The following CLVS1 variants were observed in gnomAD, a reference collection of about 807,000 sequenced individuals.
The protein encoded by CLVS1 is clavesin-1.
CLVS1 carries 10 observed loss-of-function variants against 33.1 expected under a neutral mutation model. The observed-to-expected ratio is 0.30, with a 90% CI of 0.19 to 0.51. The LOEUF (loss-of-function observed/expected upper bound fraction) is 0.51, where lower values mean the gene tolerates loss of function less well. Ranked by LOEUF, CLVS1 falls within the 20% of genes least tolerant of loss-of-function variation. CLVS1 has a pLI of 0.97. For missense variants in CLVS1, 343 were observed against 433.4 expected (o/e 0.79, Z 1.85); for synonymous variants, 163 against 166.1 (o/e 0.98, Z 0.14).
chr8:61,167,340 G>A (rs113397677), intron 2 of CLVS1, among the ~76,000 whole-genome samples: 31 of 151,814 alleles, frequency 2.0e-4, no homozygotes, highest in African/African-American at 6.0e-4. Flanking sequence ...CACCAGGCTC[G>A]GATAATTTTT....
intron 2 of CLVS1, among the ~76,000 whole-genome samples, chr8:61,259,199 C>G (rs1396920682): frequency 1.3e-5 from 2 of 152,208 alleles, no homozygotes; most frequent in East Asian, 3.8e-4. Flanking sequence ...ATAGCTAGTG[C>G]TTAGATACTT....
intron 2 of CLVS1, among the ~76,000 whole-genome samples, chr8:61,275,884 T>C (rs1005777377): frequency 2.0e-5 from 3 of 152,204 alleles, no homozygotes; most frequent in African/African-American, 7.2e-5. Flanking sequence ...ATGTTGCTCG[T>C]GCAATATTTC....
At chr8:61,056,842 TCA>T (rs1804480023), upstream of CLVS1, among the ~76,000 whole-genome samples, 2 of 152,202 alleles carry the variant, frequency 1.3e-5, no homozygotes, top group South Asian at 4.1e-4. Flanking sequence ...GAAGGAGAAA[TCA>T]CAGAGCACAG....
intron 3 of CLVS1, among the ~76,000 whole-genome samples, chr8:61,417,062 G>A (rs771752421): frequency 6.6e-6 from 1 of 152,066 alleles, no homozygotes; most frequent in Non-Finnish European, 1.5e-5. Context: ...ATGATCTGAG[G>A]GCATACTTGG....
intron 3 of CLVS1, among the ~76,000 whole-genome samples, chr8:61,381,706 T>C (rs563475484): frequency 7.2e-4 from 109 of 152,330 alleles, no homozygotes; most frequent in South Asian, 1.7e-3. Context: ...TTTTTGTTCC[T>C]ACGTTAGTTT....
At chr8:61,268,511 T>C (rs1415359281) in intron 2 of CLVS1, among the ~76,000 whole-genome samples, 5 of 150,704 alleles carry the variant, frequency 3.3e-5, no homozygotes, top group Admixed American at 6.6e-5. Flanking sequence ...GCATGATTTA[T>C]AGTCCTTTGG....
intron 2 of CLVS1, among the ~76,000 whole-genome samples, chr8:61,153,306 A>G (rs763273861): frequency 3.9e-5 from 6 of 152,210 alleles, no homozygotes; most frequent in African/African-American, 7.2e-5. Context: ...ATGCTCAAAT[A>G]TGGACTTTTG....
chr8:61,168,429 A>T (rs11784395), intron 2 of CLVS1, among the ~76,000 whole-genome samples: 5,212 of 152,362 alleles, frequency 0.034, 97 homozygotes, highest in Middle Eastern at 0.041. Flanking sequence ...GCCAAGTATA[A>T]CAAAACTAAT....
At chr8:60,994,010 T>C in the CLVS1 span, among the ~76,000 whole-genome samples, 3 of 152,210 alleles carry the variant, frequency 2.0e-5, no homozygotes, top group Non-Finnish European at 4.4e-5. Context: ...GTTGGGAAGG[T>C]GCATTAGTCT....
At chr8:61,325,302 A>G (rs1319106818) in intron 2 of CLVS1, among the ~76,000 whole-genome samples, 1 of 152,168 alleles carries the variant, frequency 6.6e-6, no homozygotes, top group East Asian at 1.9e-4. Flanking sequence ...ATGTATACGT[A>G]TATCAAATTA....
chr8:61,046,090 T>C, the CLVS1 span, among the ~76,000 whole-genome samples: 2 of 150,418 alleles, frequency 1.3e-5, no homozygotes, highest in Admixed American at 6.6e-5. Flanking sequence ...TGGTAATGCC[T>C]AGGTTTTCTT....
intron 1 of CLVS1, among the ~76,000 whole-genome samples, chr8:61,090,374 G>A (rs1250846893): frequency 3.9e-5 from 6 of 152,102 alleles, no homozygotes; most frequent in Admixed American, 3.9e-4. Flanking sequence ...ATGGCCCACA[G>A]GTTTTTGAGA....
intron 5 of CLVS1, 51 bp downstream of exon 5, chr8:61,458,593 T>C (rs1303301277): frequency 7.8e-7 from 1 of 1,279,090 alleles, no homozygotes; most frequent in Non-Finnish European, 1.1e-6. Context: ...TCAATGGAAT[T>C]TTTTATTTGG....
At chr8:61,027,261 T>C in the CLVS1 span, among the ~76,000 whole-genome samples, 1 of 152,132 alleles carries the variant, frequency 6.6e-6, no homozygotes, top group Admixed American at 6.5e-5. Flanking sequence ...CCAACAAGAA[T>C]GTGCATTAAA....
chr8:61,395,136 G>A (rs944556113), intron 3 of CLVS1, among the ~76,000 whole-genome samples: 1 of 152,136 alleles, frequency 6.6e-6, no homozygotes, highest in African/African-American at 2.4e-5. Context: ...CCTTCAAAAA[G>A]AAGGAAATGT....
At chr8:61,237,556 T>G (rs1007459878) in intron 2 of CLVS1, among the ~76,000 whole-genome samples, 17 of 152,180 alleles carry the variant, frequency 1.1e-4, no homozygotes, top group Admixed American at 1.0e-3. Flanking sequence ...CCAAACTTCC[T>G]CAATTACTAA....
At chr8:61,372,812 A>ATGAT (rs757405976) in intron 2 of CLVS1, among the ~76,000 whole-genome samples, 4 of 152,150 alleles carry the variant, frequency 2.6e-5, no homozygotes, top group Middle Eastern at 3.2e-3. Context: ...TGTTTTTCTC[A>ATGAT]TGATTACTCT....
intron 1 of CLVS1, among the ~76,000 whole-genome samples, chr8:61,101,958 A>G (rs1379106518): frequency 1.3e-5 from 2 of 152,176 alleles, no homozygotes; most frequent in East Asian, 1.9e-4. Context: ...TCGTTGATCA[A>G]TATGTACCAC....
chr8:61,062,212 C>A (rs769786431), intron 1 of CLVS1, among the ~76,000 whole-genome samples: 18 of 152,122 alleles, frequency 1.2e-4, no homozygotes, highest in Non-Finnish European at 2.5e-4. Flanking sequence ...GTACAGTTAC[C>A]AGGAGGATAC....
Sources: allele counts gnomAD v4.1 joint callset (sites outside exome capture counted in the v4.1 genomes callset), GRCh38; gene constraint gnomAD v4.1.1; transcripts MANE v1.5; gene names NCBI Gene and HGNC (gene_info 2026-07-23, HGNC 2026-07-21).